PMS2: variants seen among roughly 807,000 people sequenced by gnomAD.
PMS2 encodes the protein mismatch repair endonuclease PMS2.
In PMS2, 69 loss-of-function variants were observed where a neutral mutation model predicts 90.0. The ratio of observed to expected loss-of-function variants is 0.77; its 90% CI spans 0.63 to 0.94. The LOEUF (loss-of-function observed/expected upper bound fraction) is 0.94, where lower values mean the gene tolerates loss of function less well. PMS2 is among the 40% of genes least tolerant of loss of function. PMS2 has a pLI of 0.00. For synonymous variants in PMS2, 332 were observed against 375.1 expected (o/e 0.89, Z 1.33); for missense variants, 966 against 1,040.2 (o/e 0.93, Z 0.98).
At chr7:5,990,046 C>T (rs1470214411) in intron 9 of PMS2, 91 bp from the exon 10 acceptor site, 3 of 905,180 alleles carry the variant, frequency 3.3e-6, no homozygotes, top group Non-Finnish European at 4.9e-6. Flanking sequence ...CTCACTCTGT[C>T]GCCTAGGCTG....
chr7:6,006,130 T>C (rs563929264), intron 1 of PMS2, 99 bp from the exon 2 acceptor site: 2 of 1,300,374 alleles, frequency 1.5e-6, no homozygotes, highest in East Asian at 2.3e-5. Flanking sequence ...AAATAATTTA[T>C]GGGTCTAATC....
chr7:5,981,754 C>T (rs1251389757), intron 12 of PMS2, among the ~76,000 whole-genome samples: 1 of 151,706 alleles, frequency 6.6e-6, no homozygotes, highest in Admixed American at 6.6e-5. Context: ...ATGTTAACCA[C>T]GTGAACTGGG....
chr7:6,003,746 A>T lies in PMS2; in HGVS notation c.297T>A (p.Thr99=), dbSNP rs1583408662. The T allele has an allele frequency of 6.2e-7, 1 of 1,603,088 alleles. No individual in the cohort carries two copies. Among genetic ancestry groups the T allele is most frequent in the Non-Finnish European group, 8.5e-7 (1 of 1,179,326 alleles). The change falls in exon 4 of 15, where the codon ACT becomes ACA. Residue 99 remains threonine, a synonymous_variant. Transcript: ENST00000265849. ...CCCGAAAGCCAAAAGTTTCAACCTGAGTTAGGTCGGCAAACTCTTGAATCT... is the reference window on the plus strand; with the variant it reads ...CCCGAAAGCCAAAAGTTTCAACCTGTGTTAGGTCGGCAAACTCTTGAATCT... The part of the protein sequence containing the change: ...TSKIQEFADL[T]QVETFGFRGE...
At chr7:6,005,738 A>G (rs903092078) in intron 2 of PMS2, among the ~76,000 whole-genome samples, 154 bp downstream of exon 2, 9 of 152,234 alleles carry the variant, frequency 5.9e-5, no homozygotes, top group Non-Finnish European at 1.5e-5. Context: ...TACCTAGCTA[A>G]GTACTAGGCA....
chr7:6,004,696 C>T (rs914157814), intron 2 of PMS2, among the ~76,000 whole-genome samples: 3 of 120,886 alleles, frequency 2.5e-5, no homozygotes, highest in Admixed American at 9.2e-5. Context: ...GCCTGGGCAA[C>T]AAGAGCAAAA....
In PMS2 at chr7:5,989,892, A is replaced by T; in HGVS notation, c.1052T>A (p.Leu351Ter). Residue 351 changes from leucine to a stop codon, truncating the protein, a stop_gained, in exon 10 of 15, where the codon TTG becomes TAG. Transcript: ENST00000265849. LOFTEE classifies it high-confidence loss of function. ...CAAAGAGGTCTTTAAAACTGCCAACAAAAGCTTTTCCTCTTGTAGCAAAAT... is the reference window on the plus strand; with the variant it reads ...CAAAGAGGTCTTTAAAACTGCCAACTAAAGCTTTTCCTCTTGTAGCAAAAT... ...RQILLQEEKLLLAVLKTSLIG... is the reference protein window; with the variant it reads ...RQILLQEEKL 1 of 1,612,512 alleles carries T rather than the reference A, an allele frequency of 6.2e-7. No individual in the cohort carries two copies. Among genetic ancestry groups the T allele is most frequent in the Non-Finnish European group, 8.5e-7 (1 of 1,178,816 alleles).
At chr7:5,995,734 AG>A in intron 7 of PMS2, 101 bp from the exon 8 acceptor site, 2 of 831,714 alleles carry the variant, frequency 2.4e-6, no homozygotes, top group South Asian at 2.7e-5. Flanking sequence ...ACAAAACACC[AG>A]GTGACATGCT....
chr7:5,994,035 C>T (rs539746825), intron 8 of PMS2, among the ~76,000 whole-genome samples: 1 of 151,926 alleles, frequency 6.6e-6, no homozygotes, highest in East Asian at 1.9e-4. Flanking sequence ...ATACACACAA[C>T]ACATATAATG....
intron 11 of PMS2, among the ~76,000 whole-genome samples, chr7:5,985,193 G>A (rs1054711962): frequency 2.6e-5 from 4 of 151,758 alleles, no homozygotes; most frequent in Admixed American, 6.6e-5. Context: ...AAACTCCTGG[G>A]CTCAAGTGAG....
rs1473720483 is a variant in PMS2, at chr7:5,987,513, A to C, written c.1252T>G (p.Ser418Ala). The change falls in exon 11 of 15, where the codon TCC becomes GCC. Residue 418 changes from serine (S) to alanine (A), a missense_variant. By Grantham distance (99) the Ser-to-Ala change is moderately conservative (BLOSUM62 1). This residue lies in a region of PMS2 where 871 missense variants were observed against 802.4 expected (regional missense o/e 1.09). Coordinates refer to ENST00000265849, the MANE Select transcript of PMS2 (RefSeq NM_000535.7). ...TGEEKKDVSI[S>A]RLREAFSLRH... is the part of the protein sequence containing the mutation. ...AGAGAAAAGGCCTCTCGCAGTCTGGAAATGGACACGTCTTTTTTTTCTTCT... is the reference window on the plus strand; with the variant it reads ...AGAGAAAAGGCCTCTCGCAGTCTGGCAATGGACACGTCTTTTTTTTCTTCT... 2 of 1,614,052 alleles carry C rather than the reference A, an allele frequency of 1.2e-6. No individual in the cohort carries two copies. The highest frequency in any genetic ancestry group is 1.7e-6 in the Non-Finnish European group (2 of 1,180,034).
rs531441060 is a variant in PMS2, at chr7:6,004,486, C to G, written c.164-428G>C. 6 of 171,292 alleles carry G rather than the reference C, an allele frequency of 3.5e-5. No homozygotes were observed. In the East Asian group the frequency reaches 8.5e-4, roughly 24 times the overall value. 10.6% of individuals were successfully genotyped at this position (171,292 alleles called of 1,614,324 possible). A position where few individuals can be genotyped will look rare whatever the true frequency, so the allele number is the denominator to read the frequency against. ...ATTCCAGCACTTTGGGAGGCCAAAG[C>G]GAGCAGATCACCTGAGGTCAGGAGT... On this transcript the variant is annotated intron_variant, in intron 2 of 14. Transcript: ENST00000265849.
intron 2 of PMS2, among the ~76,000 whole-genome samples, chr7:6,004,871 C>A (rs1290940630): frequency 6.6e-6 from 1 of 152,058 alleles, no homozygotes. Flanking sequence ...AGTTATTCTG[C>A]AGATTAATAA....
chr7:5,993,717 C>T (rs1453129661), intron 8 of PMS2, among the ~76,000 whole-genome samples: 1 of 150,742 alleles, frequency 6.6e-6, no homozygotes, highest in Non-Finnish European at 1.5e-5. Flanking sequence ...AAAAATTAGC[C>T]GGGTGTGGTG....
chr7:5,998,028 A>T (rs770945507), intron 6 of PMS2, among the ~76,000 whole-genome samples: 12 of 152,072 alleles, frequency 7.9e-5, no homozygotes, highest in Non-Finnish European at 1.5e-4. Context: ...GGAAGAATAA[A>T]ATGAAACACA....
chr7:5,990,473 C>T lies in PMS2; in HGVS notation c.989-518G>A, dbSNP rs572338343. On this transcript the variant is annotated intron_variant, in intron 9 of 14. Transcript: ENST00000265849. ...AGACAATTTTTGAATAGACAAAATA[C>T]GGAAGGGCTTAATTAGGTAAATTGT... is the stretch of plus-strand genomic sequence containing the variant. Among the ~76,000 whole-genome samples the T allele has an allele frequency of 6.2e-4, 95 of 152,066 alleles. 1 individual carries two copies. In the South Asian group the frequency reaches 0.013, roughly 21 times the overall value.
In PMS2 at chr7:5,981,142, G is replaced by C. The variant is rs73673585; in HGVS notation, c.2174+1682C>G. On this transcript the variant is annotated intron_variant, in intron 12 of 14. Coordinates refer to ENST00000265849, the MANE Select transcript of PMS2 (RefSeq NM_000535.7). ...TACTATCACACCTGACCTTTGTGAAGTAGTCAGGGTAAAACATTCCAGTTT... is the reference window on the plus strand; with the variant it reads ...TACTATCACACCTGACCTTTGTGAACTAGTCAGGGTAAAACATTCCAGTTT... 4.4e-3 allele frequency among the ~76,000 whole-genome samples: 675 copies of C among 152,006 alleles called. 28 individuals are homozygous for C. Among genetic ancestry groups the C allele is most frequent in the African/African-American group, 0.016 (656 of 41,270 alleles).
intron 13 of PMS2, 80 bp from the exon 14 acceptor site, chr7:5,977,837 A>G: frequency 6.4e-7 from 1 of 1,561,774 alleles, no homozygotes; most frequent in Non-Finnish European, 8.8e-7. Flanking sequence ...TGAACATCTG[A>G]GGCCGGGCGT....
At chr7:6,001,993 A>C (rs1785136134) in intron 5 of PMS2, 1 of 151,560 alleles carries the variant, frequency 6.6e-6, no homozygotes, top group Non-Finnish European at 1.5e-5. Flanking sequence ...ACTCCATCTC[A>C]AAAAAAGATA....
In PMS2 at chr7:5,978,681, G is replaced by A. The variant is rs756337875; in HGVS notation, c.2190C>T (p.Asn730=). The A allele has an allele frequency of 3.1e-6, 5 of 1,593,080 alleles. No homozygotes were observed. Among genetic ancestry groups the A allele is most frequent in the Admixed American group, 3.3e-5 (2 of 59,782 alleles). The change falls in exon 13 of 15, where the codon AAC becomes AAT. Residue 730 remains asparagine, a synonymous_variant. Transcript: ENST00000265849. The stretch of plus-strand genomic sequence containing the variant: ...GAACAGCTTCATTAACAGCAGTTAA[G>A]TTGAGAGTCTGAGGTCTGAAAAACA... ...GQRLIAPQTL[N]LTAVNEAVLI...
Sources: allele counts gnomAD v4.1 joint callset (sites outside exome capture counted in the v4.1 genomes callset), GRCh38; gene constraint gnomAD v4.1.1; regional missense constraint gnomAD v4.1.1; transcripts MANE v1.5; gene names NCBI Gene and HGNC (gene_info 2026-07-23, HGNC 2026-07-21).